The following EFNA5 variants were observed in gnomAD, a reference collection of about 807,000 sequenced individuals.
The protein encoded by EFNA5 is ephrin-A5.
EFNA5 carries 5 observed loss-of-function variants against 22.9 expected under a neutral mutation model. The observed-to-expected ratio is 0.22, with a 90% confidence interval of 0.11 to 0.46. The LOEUF is 0.46. Ranked by LOEUF, EFNA5 falls within the 20% of genes least tolerant of loss-of-function variation. EFNA5 has a pLI of 0.99. For synonymous variants in EFNA5, 113 were observed against 112.2 expected, an observed-to-expected ratio of 1.01 and a Z score of -0.04; for missense variants, 237 against 293.3, an observed-to-expected ratio of 0.81 and a Z score of 1.40.
chr5:107,488,711 A>G (rs1746715566), intron 1 of EFNA5, among the ~76,000 whole-genome samples: 1 of 152,124 alleles, frequency 6.6e-6, no homozygotes, highest in South Asian at 2.1e-4. Context: ...TTTTTTTCCA[A>G]GACAGCGTCT....
chr5:107,492,241 A>T lies in EFNA5; in HGVS notation c.126-64732T>A, dbSNP rs11948816. 8.9e-3 allele frequency among the ~76,000 whole-genome samples: 1,359 copies of T among 152,304 alleles called. 26 individuals carry two copies. The highest frequency in any genetic ancestry group is 0.031 in the African/African-American group (1,283 of 41,572). ...TCTTATAAAGTTACAAAAACTTTTT[A>T]AAAATCTAACCTTTAAAAAAAATAT... On this transcript the variant is annotated intron_variant, in intron 1 of 4. Transcript: ENST00000333274.
rs1376402097 is a variant in EFNA5 at position 107,477,637 on chromosome 5, G to GTAATAA, written c.126-50134_126-50129dup. Among the ~76,000 whole-genome samples the GTAATAA allele has an allele frequency of 7.9e-5, 12 of 152,170 alleles. No individual in the cohort carries two copies. The East Asian group carries it at 2.3e-3, about 29-fold the overall frequency. On this transcript the variant is annotated intron_variant, in intron 1 of 4. Coordinates refer to ENST00000333274, the MANE Select transcript of EFNA5 (RefSeq NM_001962.3). ...CTTCTTTCTTTTGGGTAACCTGATA[G>GTAATAA]TAATAACTAAGCCACAGGTGAAAGG...
At chr5:107,387,388 T>C (rs1747655681) in intron 3 of EFNA5, 73 bp from the exon 4 acceptor site, 2 of 1,027,746 alleles carry the variant, frequency 1.9e-6, no homozygotes, top group Non-Finnish European at 2.9e-6. Context: ...CTTTCTTTTT[T>C]CTTTCTCTCC....
chr5:107,447,366 A>G (rs1402964659), intron 1 of EFNA5, among the ~76,000 whole-genome samples: 1 of 152,224 alleles, frequency 6.6e-6, no homozygotes, highest in Non-Finnish European at 1.5e-5. Flanking sequence ...ACCTTTCCTA[A>G]TTTGATTGAC....
chr5:107,405,981 C>A (rs1654076), intron 2 of EFNA5, among the ~76,000 whole-genome samples: 35 of 96,894 alleles, frequency 3.6e-4, no homozygotes, highest in Admixed American at 6.2e-4. Flanking sequence ...ATAAAAATAC[C>A]TATATTTGTA....
chr5:107,388,118 C>T (rs1399707096), intron 2 of EFNA5, among the ~76,000 whole-genome samples: 1 of 152,176 alleles, frequency 6.6e-6, no homozygotes, highest in African/African-American at 2.4e-5. Context: ...TGTGAGCCCT[C>T]CAGCTTTCAC....
At chr5:107,473,432 G>A (rs1049176465) in intron 1 of EFNA5, among the ~76,000 whole-genome samples, 2 of 151,886 alleles carry the variant, frequency 1.3e-5, no homozygotes, top group African/African-American at 4.8e-5. Flanking sequence ...TACACACCAA[G>A]AAGAGCCAGG....
intron 1 of EFNA5, among the ~76,000 whole-genome samples, chr5:107,648,141 A>G (rs1487289824): frequency 6.6e-6 from 1 of 152,206 alleles, no homozygotes; most frequent in Non-Finnish European, 1.5e-5. Context: ...ACTTACTTTA[A>G]AGAACCAACA....
intron 1 of EFNA5, among the ~76,000 whole-genome samples, chr5:107,591,891 TTATATATAATATATAATATAAAAAATA>T (rs1225810829): frequency 3.1e-3 from 53 of 17,034 alleles, no homozygotes; most frequent in African/African-American, 0.012. Flanking sequence ...AATATATATA[TTATATATAATATATAATATAAAAAATA>T]TATATATAAT....
intron 1 of EFNA5, among the ~76,000 whole-genome samples, chr5:107,459,771 G>C (rs892155905): frequency 2.0e-5 from 3 of 152,150 alleles, no homozygotes; most frequent in African/African-American, 4.8e-5. Context: ...TGATTGGTGA[G>C]TTCACACTGT....
intron 1 of EFNA5, among the ~76,000 whole-genome samples, chr5:107,542,642 A>G (rs1436859177): frequency 6.6e-6 from 1 of 152,002 alleles, no homozygotes; most frequent in Non-Finnish European, 1.5e-5. Flanking sequence ...GTGTACAGGG[A>G]GGAGAAAAAC....
intron 1 of EFNA5, among the ~76,000 whole-genome samples, chr5:107,544,273 C>T (rs972482549): frequency 4.6e-5 from 7 of 152,126 alleles, no homozygotes; most frequent in African/African-American, 1.7e-4. Context: ...ATTTGCTGAA[C>T]AAAACAGTAA....
intron 1 of EFNA5, among the ~76,000 whole-genome samples, chr5:107,504,206 T>C (rs1747202413): frequency 6.6e-6 from 1 of 152,150 alleles, no homozygotes; most frequent in South Asian, 2.1e-4. Flanking sequence ...TTTTTTAAAT[T>C]AACTAAAAAA....
intron 2 of EFNA5, among the ~76,000 whole-genome samples, chr5:107,405,215 G>T (rs1341830385): frequency 6.6e-6 from 1 of 152,188 alleles, no homozygotes; most frequent in Non-Finnish European, 1.5e-5. Flanking sequence ...GGCAGCCCTT[G>T]CCTGCTCCCA....
rs571981077 is a variant in EFNA5, at chr5:107,531,883, A to C, written c.126-104374T>G. Among the ~76,000 whole-genome samples, 4 of 152,368 alleles carry C rather than the reference A, an allele frequency of 2.6e-5. No individual in the cohort carries two copies. In the South Asian group the frequency reaches 8.3e-4, roughly 32 times the overall value. On this transcript the variant is annotated intron_variant, in intron 1 of 4. Transcript: ENST00000333274. ...TGCTGCTGGCTGCAATATAATAAAGATGCTGACAGTTGTGAATTACTGAGT... is the reference window on the plus strand; with the variant it reads ...TGCTGCTGGCTGCAATATAATAAAGCTGCTGACAGTTGTGAATTACTGAGT...
intron 1 of EFNA5, among the ~76,000 whole-genome samples, chr5:107,559,957 G>A (rs1056658006): frequency 6.6e-6 from 1 of 152,136 alleles, no homozygotes; most frequent in Non-Finnish European, 1.5e-5. Context: ...TATGTGTTCT[G>A]AAATTGACTA....
intron 1 of EFNA5, among the ~76,000 whole-genome samples, chr5:107,521,476 A>ATAT (rs1491248327): frequency 3.4e-4 from 20 of 58,348 alleles, no homozygotes; most frequent in South Asian, 1.6e-3. Flanking sequence ...ATATATATAT[A>ATAT]TTTTTTTTTT....
At chr5:107,397,797 C>T (rs763932391) in intron 2 of EFNA5, among the ~76,000 whole-genome samples, 1 of 152,070 alleles carries the variant, frequency 6.6e-6, no homozygotes, top group Admixed American at 6.5e-5. Context: ...TCGTTAGATA[C>T]CAGGATTGTA....
intron 1 of EFNA5, among the ~76,000 whole-genome samples, chr5:107,590,869 T>A (rs1749309640): frequency 6.6e-6 from 1 of 152,228 alleles, no homozygotes; most frequent in Non-Finnish European, 1.5e-5. Flanking sequence ...TTTATGTGCC[T>A]GTATTTATGT....
Sources: allele counts gnomAD v4.1 joint callset (sites outside exome capture counted in the v4.1 genomes callset), GRCh38; gene constraint gnomAD v4.1.1; transcripts MANE v1.5; gene names NCBI Gene and HGNC (gene_info 2026-07-23, HGNC 2026-07-21).